MZT2B: variants seen among roughly 807,000 people sequenced by gnomAD.
MZT2B encodes the protein mitotic-spindle organizing protein 2B.
A neutral mutation model predicts 12.1 loss-of-function variants in MZT2B; 11 were observed. The ratio of observed to expected loss-of-function variants is 0.91; its 90% CI spans 0.57 to 1.50. The LOEUF is 1.50. Among genes scored for constraint, MZT2B ranks in the 40% most tolerant of loss-of-function variants. The pLI, the probability that MZT2B is intolerant of heterozygous loss-of-function variation, is 0.00. For synonymous variants in MZT2B, 85 were observed against 109.5 expected (o/e 0.78, Z 1.40); for missense variants, 209 against 227.7 (o/e 0.92, Z 0.53).
upstream of MZT2B, chr2:130,182,188 G>C: frequency 7.9e-7 from 1 of 1,258,478 alleles, no homozygotes. Context: ...AGGGCAGCCC[G>C]GGAGGCCAGA....
At chr2:130,199,822 G>A in the MZT2B span, among the ~76,000 whole-genome samples, 6 of 149,558 alleles carry the variant, frequency 4.0e-5, 1 homozygote, top group African/African-American at 9.8e-5. Flanking sequence ...TGGGCCAGGC[G>A]TGGTGGCTCA....
At chr2:130,198,477 G>T in the MZT2B span, 1 of 1,203,458 alleles carries the variant, frequency 8.3e-7, no homozygotes, top group Non-Finnish European at 1.1e-6. Flanking sequence ...TGGCCTGCCG[G>T]TGCCAGGCCG....
chr2:130,186,194 C>T (rs574229590), intron 2 of MZT2B, among the ~76,000 whole-genome samples: 100 of 152,258 alleles, frequency 6.6e-4, no homozygotes, highest in Non-Finnish European at 1.2e-3. Flanking sequence ...AGGTTTCCCA[C>T]AGGACTCGGG....
At chr2:130,201,734 A>T in the MZT2B span, among the ~76,000 whole-genome samples, 1 of 152,204 alleles carries the variant, frequency 6.6e-6, no homozygotes, top group South Asian at 2.1e-4. Flanking sequence ...TCGACAATGC[A>T]TCATCAGGTA....
chr2:130,184,255 C>T (rs1689961223), intron 2 of MZT2B: 1 of 985,450 alleles, frequency 1.0e-6, no homozygotes, highest in Non-Finnish European at 1.2e-6. Context: ...CAAGGGAAGA[C>T]AGCCGGCCAG....
intron 2 of MZT2B, among the ~76,000 whole-genome samples, chr2:130,188,990 G>T (rs1253329335): frequency 1.3e-5 from 2 of 152,150 alleles, no homozygotes; most frequent in Non-Finnish European, 2.9e-5. Context: ...TTGAGGCTGG[G>T]TGTTCTGTTG....
chr2:130,190,844 T>C, downstream of MZT2B: 1 of 1,072,084 alleles, frequency 9.3e-7, no homozygotes, highest in Non-Finnish European at 1.2e-6. Context: ...CCCTTCACCA[T>C]GGGTCAACTT....
chr2:130,190,741 G>GTTTTTTGTTTTTTTTTTTTTT (rs1573767798), downstream of MZT2B: 1 of 1,096,302 alleles, frequency 9.1e-7, no homozygotes. Context: ...GTTGTCTACC[G>GTTTTTTGTTTTTTTTTTTTTT]TTTTTTTTTT....
intron 1 of MZT2B, 82 bp downstream of exon 1, chr2:130,182,534 G>A (rs1460027593): frequency 1.3e-6 from 2 of 1,551,832 alleles, no homozygotes; most frequent in Non-Finnish European, 1.7e-6. Context: ...CCGCTGGTCG[G>A]GAGGAGCCCC....
chr2:130,191,956 C>T (rs1482741988), downstream of MZT2B: 4 of 1,614,036 alleles, frequency 2.5e-6, no homozygotes, highest in Non-Finnish European at 8.5e-7. Flanking sequence ...ATGCCTTCGC[C>T]CACGTACCAG....
At chr2:130,181,724 G>C, upstream of MZT2B, 2 of 1,549,048 alleles carry the variant, frequency 1.3e-6, no homozygotes, top group South Asian at 1.2e-5. Context: ...GAGAAATGGC[G>C]AGGCAGGAGT....
the MZT2B span, among the ~76,000 whole-genome samples, chr2:130,198,015 C>T: frequency 8.2e-6 from 1 of 122,558 alleles, no homozygotes; most frequent in Non-Finnish European, 1.8e-5. Flanking sequence ...AAGGCTCCTG[C>T]AGCTCCTCAG....
the MZT2B span, among the ~76,000 whole-genome samples, chr2:130,203,101 T>A: frequency 6.8e-6 from 1 of 146,674 alleles, no homozygotes; most frequent in African/African-American, 2.5e-5. Context: ...CAGGCTGCAG[T>A]CATGCGATCT....
At chr2:130,192,955 G>A (rs1283461423), downstream of MZT2B, among the ~76,000 whole-genome samples, 1 of 152,088 alleles carries the variant, frequency 6.6e-6, no homozygotes, top group East Asian at 1.9e-4. Context: ...TTAGCCAGGC[G>A]TGGTGGCAGG....
chr2:130,191,778 C>G (rs143269025), downstream of MZT2B: 2,123 of 1,572,334 alleles, frequency 1.4e-3, 5 homozygotes, highest in Middle Eastern at 2.2e-3. Context: ...TTGCAAACAA[C>G]TTGAAAGCAG....
In MZT2B at chr2:130,184,360, G is replaced by A. The variant is rs113507402; in HGVS notation, c.319+1585G>A. The A allele has an allele frequency of 1.4e-5, 14 of 985,464 alleles. No homozygotes were observed. In the African/African-American group the frequency reaches 1.9e-4, roughly 13 times the overall value. The allele number at this position is 985,464 out of a possible 1,614,324, so 61.0% of individuals were successfully genotyped here. On this transcript the variant is annotated intron_variant, in intron 2 of 2. Transcript: ENST00000281871. ...CCTTATCTGGACAGGAAGTCTGGAGGCTGAAACAGAGACTCCCACCTTCCC... is the reference window on the plus strand; with the variant it reads ...CCTTATCTGGACAGGAAGTCTGGAGACTGAAACAGAGACTCCCACCTTCCC...
chr2:130,183,333 C>T (rs1284944749), intron 2 of MZT2B, among the ~76,000 whole-genome samples: 4 of 152,220 alleles, frequency 2.6e-5, no homozygotes, highest in South Asian at 2.1e-4. Context: ...GGGGCTTGGC[C>T]AGTCCTGGTC....
intron 2 of MZT2B, chr2:130,183,869 G>A (rs1291629020): frequency 5.2e-6 from 8 of 1,550,618 alleles, no homozygotes; most frequent in Non-Finnish European, 6.1e-6. Flanking sequence ...CGGCCTCTCC[G>A]GTTCTGCTCC....
chr2:130,199,701 A>AAGC, the MZT2B span, among the ~76,000 whole-genome samples: 2 of 122,498 alleles, frequency 1.6e-5, 1 homozygote, highest in African/African-American at 5.9e-5. Context: ...GAAATTAGAG[A>AAGC]AGTCTTGCTG....
Sources: gnomAD v4.1 joint callset for allele counts (sites outside exome capture counted in the v4.1 genomes callset) on GRCh38, gnomAD v4.1.1 for gene constraint, MANE v1.5 for transcripts, NCBI Gene and HGNC (gene_info 2026-07-23, HGNC 2026-07-21) for gene names.